HDAC9: variants seen among roughly 807,000 people sequenced by gnomAD.
HDAC9 encodes histone deacetylase 9.
A neutral mutation model predicts 139.4 loss-of-function variants in HDAC9; 41 were observed. That is an observed-to-expected ratio of 0.29 (90% CI 0.23 to 0.38). The LOEUF is 0.38. Ranked by LOEUF, HDAC9 falls within the 10% of genes least tolerant of loss-of-function variation. HDAC9 has a pLI of 1.00. For missense variants in HDAC9, 1,147 were observed against 1,297.0 expected (o/e 0.88, Z 1.78); for synonymous variants, 517 against 476.2 (o/e 1.09, Z -1.12).
At chr7:18,238,803 C>T (rs534275448) in intron 2 of HDAC9, among the ~76,000 whole-genome samples, 25 of 152,274 alleles carry the variant, frequency 1.6e-4, no homozygotes, top group African/African-American at 4.8e-4. Flanking sequence ...TAGAATGTTC[C>T]GCTAACTTTT....
chr7:18,144,185 TA>T (rs967450694), intron 1 of HDAC9, among the ~76,000 whole-genome samples: 12 of 151,774 alleles, frequency 7.9e-5, no homozygotes, highest in African/African-American at 2.4e-4. Flanking sequence ...AATTTGGAAA[TA>T]AAAAAAAGGA....
chr7:18,181,013 C>G (rs952084554), intron 2 of HDAC9, among the ~76,000 whole-genome samples: 1 of 152,168 alleles, frequency 6.6e-6, no homozygotes, highest in Non-Finnish European at 1.5e-5. Context: ...CTCCTTCACT[C>G]TTATATGCAT....
chr7:18,517,870 A>G (rs1355603121), intron 2 of HDAC9: 1 of 152,172 alleles, frequency 6.6e-6, no homozygotes, highest in Non-Finnish European at 1.5e-5. Context: ...TCCTGACTAT[A>G]CTTCTGAAGT....
At chr7:18,207,876 G>A (rs762427204) in intron 2 of HDAC9, among the ~76,000 whole-genome samples, 23 of 151,784 alleles carry the variant, frequency 1.5e-4, no homozygotes, top group Admixed American at 7.9e-4. Context: ...CACCACGCCC[G>A]GCTAATTTTG....
chr7:18,574,606 C>T (rs997419141), intron 2 of HDAC9, among the ~76,000 whole-genome samples: 2 of 152,200 alleles, frequency 1.3e-5, no homozygotes, highest in Non-Finnish European at 2.9e-5. Context: ...ATGTTGTTCA[C>T]GGTTCCCAGG....
intron 11 of HDAC9, among the ~76,000 whole-genome samples, chr7:18,655,222 A>G (rs573993943): frequency 3.3e-5 from 5 of 152,268 alleles, no homozygotes; most frequent in Non-Finnish European, 4.4e-5. Context: ...CTCTCCATCC[A>G]TTTGACAGCT....
At chr7:18,568,853 G>C (rs951775394) in intron 2 of HDAC9, among the ~76,000 whole-genome samples, 4 of 151,990 alleles carry the variant, frequency 2.6e-5, no homozygotes, top group African/African-American at 9.7e-5. Flanking sequence ...TTCGAGACCA[G>C]CCTGACCAAT....
At chr7:18,267,205 A>G (rs1044311428) in intron 2 of HDAC9, among the ~76,000 whole-genome samples, 9 of 152,144 alleles carry the variant, frequency 5.9e-5, no homozygotes, top group Non-Finnish European at 1.2e-4. Context: ...TATAATGTAT[A>G]ATATGTTGTT....
At chr7:18,308,200 C>T (rs1366866736) in intron 1 of HDAC9, among the ~76,000 whole-genome samples, 1 of 152,112 alleles carries the variant, frequency 6.6e-6, no homozygotes, top group Non-Finnish European at 1.5e-5. Flanking sequence ...ATCCAATTTA[C>T]GAAGTTGGTT....
chr7:18,902,949 T>C (rs1007704407), intron 22 of HDAC9, among the ~76,000 whole-genome samples: 27 of 152,220 alleles, frequency 1.8e-4, no homozygotes, highest in African/African-American at 5.8e-4. Context: ...ACATATGGCA[T>C]TGTGCTAAGG....
intron 2 of HDAC9, among the ~76,000 whole-genome samples, chr7:18,247,064 G>A (rs999005711): frequency 6.6e-6 from 1 of 152,000 alleles, no homozygotes; most frequent in African/African-American, 2.4e-5. Flanking sequence ...GAGCAGGCTT[G>A]CAGGGGAATA....
At chr7:18,826,496 G>A (rs929267845) in intron 17 of HDAC9, among the ~76,000 whole-genome samples, 1 of 152,124 alleles carries the variant, frequency 6.6e-6, no homozygotes, top group Non-Finnish European at 1.5e-5. Context: ...TGATTTTGGC[G>A]AGAAGAAGAT....
Position 18,732,664 on chromosome 7 carries a change from C to T in HDAC9, c.1909+4907C>T, listed in dbSNP as rs1419343031. Among the ~76,000 whole-genome samples, 33 of 133,216 alleles carry T rather than the reference C, an allele frequency of 2.5e-4. 10 individuals are homozygous for T. The highest frequency in any genetic ancestry group is 8.5e-4 in the African/African-American group (28 of 32,940). 87.4% of individuals were successfully genotyped at this position (133,216 alleles called of 152,430 possible). A position where few individuals can be genotyped will look rare whatever the true frequency, so the allele number is the denominator to read the frequency against. On this transcript the variant is annotated intron_variant, in intron 13 of 25. Transcript: ENST00000686413. ...GCATATGTGTATATATACACACACA[C>T]GTGTATATGTGTGCGTATGTGTACA...
chr7:18,560,296 G>C (rs940995442), intron 2 of HDAC9, among the ~76,000 whole-genome samples: 5 of 152,188 alleles, frequency 3.3e-5, no homozygotes, highest in African/African-American at 1.2e-4. Context: ...ACCTCTAGGA[G>C]TTGTGAGAAT....
intron 22 of HDAC9, among the ~76,000 whole-genome samples, chr7:18,885,755 CAAT>C (rs1255769785): frequency 2.6e-5 from 4 of 152,114 alleles, no homozygotes; most frequent in East Asian, 1.9e-4. Flanking sequence ...ATTTTTCCAA[CAAT>C]GACTTTTTTG....
intron 1 of HDAC9, among the ~76,000 whole-genome samples, chr7:18,119,648 C>G (rs1278319149): frequency 6.6e-6 from 1 of 152,174 alleles, no homozygotes; most frequent in African/African-American, 2.4e-5. Flanking sequence ...TGAATAGACA[C>G]TGGAAAATCT....
chr7:18,292,228 T>G (rs1283435813), intron 1 of HDAC9, among the ~76,000 whole-genome samples: 1 of 152,160 alleles, frequency 6.6e-6, no homozygotes, highest in Non-Finnish European at 1.5e-5. Flanking sequence ...AATATTAATA[T>G]CTTCATTTTA....
At chr7:18,792,384 T>G (rs554712292) in intron 16 of HDAC9, among the ~76,000 whole-genome samples, 1 of 152,168 alleles carries the variant, frequency 6.6e-6, no homozygotes, top group Middle Eastern at 3.4e-3. Context: ...TTCAAATAAC[T>G]TATGTGTCCT....
At position 18,330,449 on chromosome 7, in the gene HDAC9, G is replaced by T. The variant is rs539746394; in HGVS notation, c.-42+39934G>T. On this transcript the variant is annotated intron_variant, in intron 1 of 3. Coordinates refer to the HDAC9 transcript ENST00000413509. ...ATAGAACAGATATTTTTAATATTTT[G>T]TCACAGTCCCCCAAAGCATTAGTCT... Among the ~76,000 whole-genome samples the T allele has an allele frequency of 8.6e-4, 130 of 151,238 alleles. 1 individual carries two copies. Among genetic ancestry groups the T allele is most frequent in the African/African-American group, 3.0e-3 (125 of 41,306 alleles).
Sources: gnomAD v4.1 joint callset for allele counts (sites outside exome capture counted in the v4.1 genomes callset) on GRCh38, gnomAD v4.1.1 for gene constraint, MANE v1.5 for transcripts, NCBI Gene and HGNC (gene_info 2026-07-23, HGNC 2026-07-21) for gene names.